LRMDA: variants seen among roughly 807,000 people sequenced by gnomAD.
The protein encoded by LRMDA is leucine rich melanocyte differentiation associated.
Under a neutral mutation model 29.8 loss-of-function variants are expected in LRMDA, and 18 were observed. The ratio of observed to expected loss-of-function variants is 0.60; its 90% confidence interval spans 0.42 to 0.90. The LOEUF is 0.90. LRMDA is among the 40% of genes least tolerant of loss of function. LRMDA has a pLI of 0.00. For missense variants in LRMDA, 273 were observed against 273.9 expected (o/e 1.00, Z 0.02); for synonymous variants, 125 against 109.4 (o/e 1.14, Z -0.89).
intron 5 of LRMDA, among the ~76,000 whole-genome samples, chr10:76,252,839 T>A (rs1218330935): frequency 6.6e-6 from 1 of 152,204 alleles, no homozygotes; most frequent in Non-Finnish European, 1.5e-5. Flanking sequence ...AAACTTGTAA[T>A]CGCCTTCGTT....
chr10:75,607,468 A>G (rs549946316), intron 2 of LRMDA, among the ~76,000 whole-genome samples: 39 of 152,176 alleles, frequency 2.6e-4, no homozygotes, highest in Non-Finnish European at 5.4e-4. Context: ...ATGTTCTTAT[A>G]TTGAACTATA....
intron 2 of LRMDA, among the ~76,000 whole-genome samples, chr10:76,024,271 G>A (rs912666371): frequency 1.3e-5 from 2 of 152,166 alleles, no homozygotes; most frequent in Non-Finnish European, 2.9e-5. Context: ...TCAGTGCTGG[G>A]AAAAACTCTT....
chr10:75,967,000 G>A (rs1394048441), intron 2 of LRMDA, among the ~76,000 whole-genome samples: 1 of 152,230 alleles, frequency 6.6e-6, no homozygotes. Context: ...CAAAGCCAGT[G>A]AGTTGTTCAG....
At chr10:76,249,421 C>G (rs1027132214) in intron 5 of LRMDA, among the ~76,000 whole-genome samples, 4 of 152,138 alleles carry the variant, frequency 2.6e-5, no homozygotes, top group African/African-American at 9.7e-5. Flanking sequence ...ATTCTTTCTT[C>G]CCTGTTGTCG....
intron 2 of LRMDA, among the ~76,000 whole-genome samples, chr10:75,468,110 A>G (rs886638508): frequency 6.6e-6 from 1 of 152,206 alleles, no homozygotes; most frequent in African/African-American, 2.4e-5. Flanking sequence ...TGGTTGAAGT[A>G]TTAATGATGG....
intron 2 of LRMDA, among the ~76,000 whole-genome samples, chr10:75,747,053 G>A (rs1429137143): frequency 7.2e-5 from 11 of 152,062 alleles, no homozygotes; most frequent in African/African-American, 2.2e-4. Flanking sequence ...ATTTAAAGAG[G>A]TTTCTTTTTT....
chr10:76,225,094 C>T (rs1025208836), intron 5 of LRMDA, among the ~76,000 whole-genome samples: 7 of 151,922 alleles, frequency 4.6e-5, no homozygotes, highest in Non-Finnish European at 7.4e-5. Flanking sequence ...TATTTGACGC[C>T]GCCAAATCTC....
At chr10:76,011,401 G>A (rs1183571504) in intron 2 of LRMDA, among the ~76,000 whole-genome samples, 1 of 152,198 alleles carries the variant, frequency 6.6e-6, no homozygotes, top group Admixed American at 6.5e-5. Context: ...AGGGGTGTGG[G>A]AATGTGGCCA....
intron 2 of LRMDA, among the ~76,000 whole-genome samples, chr10:75,544,012 G>A (rs1840049154): frequency 2.0e-5 from 3 of 152,056 alleles, no homozygotes; most frequent in South Asian, 4.1e-4. Flanking sequence ...TGTGTCCATC[G>A]TTTCACACCA....
chr10:75,882,517 T>G (rs1845311498), intron 2 of LRMDA: 1 of 152,212 alleles, frequency 6.6e-6, no homozygotes, highest in Admixed American at 6.5e-5. Context: ...AGTCAGAAAT[T>G]GTGACATGCA....
chr10:76,529,736 C>T (rs1301823046), intron 6 of LRMDA, among the ~76,000 whole-genome samples: 2 of 152,104 alleles, frequency 1.3e-5, no homozygotes, highest in Non-Finnish European at 2.9e-5. Flanking sequence ...TTGATCTTCT[C>T]TGGTAGGGAG....
At chr10:76,260,824 T>C (rs1224745190) in intron 5 of LRMDA, 1 of 152,232 alleles carries the variant, frequency 6.6e-6, no homozygotes, top group Non-Finnish European at 1.5e-5. Context: ...CACAAATTCA[T>C]ATGCCATCCT....
chr10:76,365,364 C>T (rs113007254), intron 6 of LRMDA, among the ~76,000 whole-genome samples: 27 of 152,006 alleles, frequency 1.8e-4, no homozygotes, highest in East Asian at 1.4e-3. Flanking sequence ...CATTTCCACC[C>T]GCAGTGTAGA....
intron 2 of LRMDA, among the ~76,000 whole-genome samples, chr10:75,942,389 A>G (rs1166260813): frequency 6.6e-6 from 1 of 152,196 alleles, no homozygotes; most frequent in African/African-American, 2.4e-5. Flanking sequence ...GGAAATTATT[A>G]TCATATATTT....
chr10:76,360,237 C>G (rs1564519732), intron 6 of LRMDA, among the ~76,000 whole-genome samples: 1 of 152,042 alleles, frequency 6.6e-6, no homozygotes, highest in Admixed American at 6.5e-5. Context: ...GTCTGCCTGC[C>G]TCGGCCTCCC....
rs1050632350 is a variant in LRMDA, at chr10:76,222,491, G to A, written c.517-101910G>A. 2.4e-4 allele frequency among the ~76,000 whole-genome samples: 36 copies of A among 148,776 alleles called. 1 individual carries two copies. The East Asian group carries it at 6.2e-3, about 26-fold the overall frequency. On this transcript the variant is annotated intron_variant, in intron 5 of 6. Transcript: ENST00000611255. Reference sequence around the variant, plus strand: ...AACAGACACTTCTCAAAAGAAGACAGTTATGCAGCCAAAAAAACACATGAA... The same window carrying A: ...AACAGACACTTCTCAAAAGAAGACAATTATGCAGCCAAAAAAACACATGAA...
intron 5 of LRMDA, among the ~76,000 whole-genome samples, chr10:76,111,300 G>A (rs996251525): frequency 2.0e-5 from 3 of 152,194 alleles, no homozygotes; most frequent in African/African-American, 4.8e-5. Context: ...GACAGGGACC[G>A]TATCTTTTTT....
chr10:76,058,760 T>G lies in LRMDA; in HGVS notation c.493T>G (p.Phe165Val), dbSNP rs1388735033. ...EREEALVRGVFMKVVKPKASS... is the reference protein window; with the variant it reads ...EREEALVRGVVMKVVKPKASS... ...AGAGGAGGCGTTGGTCAGAGGAGTC[T>G]TCATGAAGGTGGTGAAGCCCAAGGT... Residue 165 changes from phenylalanine (F) to valine (V), a missense_variant, in exon 5 of 7, where the codon TTC (phenylalanine) becomes GTC (valine). Transcript: ENST00000611255. The G allele has an allele frequency of 1.2e-6, 2 of 1,613,862 alleles. No homozygotes were observed. The highest frequency in any genetic ancestry group is 1.7e-6 in the Non-Finnish European group (2 of 1,179,896).
At chr10:75,777,918 GATGTATA>G (rs1349984843) in intron 2 of LRMDA, among the ~76,000 whole-genome samples, 3 of 152,134 alleles carry the variant, frequency 2.0e-5, no homozygotes, top group Non-Finnish European at 4.4e-5. Context: ...TATGCTATAT[GATGTATA>G]ATGTATAATT....
Sources: allele counts gnomAD v4.1 joint callset (sites outside exome capture counted in the v4.1 genomes callset), GRCh38; gene constraint gnomAD v4.1.1; transcripts MANE v1.5; gene names NCBI Gene and HGNC (gene_info 2026-07-23, HGNC 2026-07-21).